UGT1A3: variants seen among roughly 807,000 people sequenced by gnomAD.
UGT1A3 encodes the protein UDP-glucuronosyltransferase 1A3.
UGT1A3 carries 31 observed loss-of-function variants against 41.0 expected under a neutral mutation model. The ratio of observed to expected loss-of-function variants is 0.76; its 90% CI spans 0.57 to 1.02. The LOEUF is 1.02. Ranked by LOEUF, UGT1A3 falls within the 50% of genes least tolerant of loss-of-function variation. UGT1A3 has a pLI of 0.00. For synonymous variants in UGT1A3, 262 were observed against 257.6 expected (o/e 1.02, Z -0.17); for missense variants, 737 against 671.0 (o/e 1.10, Z -1.09).
At chr2:233,759,947 C>T (rs1327771342) in intron 1 of UGT1A3, among the ~76,000 whole-genome samples, 1 of 152,176 alleles carries the variant, frequency 6.6e-6, no homozygotes, top group Non-Finnish European at 1.5e-5. Flanking sequence ...CTAACTTGTT[C>T]ACTACATAGT....
intron 1 of UGT1A3, among the ~76,000 whole-genome samples, chr2:233,765,063 G>T (rs1333981989): frequency 6.6e-6 from 1 of 152,054 alleles, no homozygotes; most frequent in African/African-American, 2.4e-5. Context: ...CCCTGTCAGA[G>T]GTCTCCTGTG....
chr2:233,737,646 G>T (rs1166167912), intron 1 of UGT1A3, among the ~76,000 whole-genome samples: 1 of 152,194 alleles, frequency 6.6e-6, no homozygotes, highest in African/African-American at 2.4e-5. Flanking sequence ...CGTCGATCAT[G>T]CTGGGAGCTG....
chr2:233,741,851 G>T (rs1691795125), intron 1 of UGT1A3: 2 of 151,836 alleles, frequency 1.3e-5, no homozygotes, highest in South Asian at 4.1e-4. Flanking sequence ...TTGCTCTCAT[G>T]CCTTATGCAA....
intron 1 of UGT1A3, among the ~76,000 whole-genome samples, chr2:233,731,847 G>C (rs1360054279): frequency 1.3e-4 from 20 of 152,190 alleles, no homozygotes; most frequent in Non-Finnish European, 7.3e-5. Flanking sequence ...CTAGGTCCTT[G>C]AGGAATCGCC....
intron 1 of UGT1A3, among the ~76,000 whole-genome samples, chr2:233,756,740 T>G (rs1165580582): frequency 6.6e-6 from 1 of 152,136 alleles, no homozygotes; most frequent in Non-Finnish European, 1.5e-5. Flanking sequence ...CTTCACCTCC[T>G]CCTTATTCTC....
At chr2:233,758,199 G>A (rs1696818445) in intron 1 of UGT1A3, among the ~76,000 whole-genome samples, 1 of 152,212 alleles carries the variant, frequency 6.6e-6, no homozygotes, top group African/African-American at 2.4e-5. Context: ...TTGCTTAGTA[G>A]TGGTTCTCTG....
At chr2:233,734,648 T>A (rs187362448) in intron 1 of UGT1A3, among the ~76,000 whole-genome samples, 1 of 152,330 alleles carries the variant, frequency 6.6e-6, no homozygotes, top group East Asian at 1.9e-4. Context: ...CCTGTGGGGA[T>A]TTAATGCTAT....
rs780989099 is a variant in UGT1A3 at position 233,729,725 on chromosome 2, C to T, written c.599C>T (p.Thr200Ile). 6.2e-7 allele frequency: 1 copy of T among 1,613,968 alleles called. No individual in the cohort carries two copies. Among genetic ancestry groups the T allele is most frequent in the South Asian group, 1.1e-5 (1 of 91,076 alleles). ...PSSYIPRLLT[T>I]NSDHMTFMQR... ...TCCTATATTCCTAGATTACTAACAA[C>T]CAATTCAGACCACATGACATTCATG... is the stretch of plus-strand genomic sequence containing the variant. Residue 200 changes from threonine to isoleucine, a missense_variant, in exon 1 of 5, where the codon ACC becomes ATC. Transcript: ENST00000482026.
chr2:233,768,154 C>T (rs767452412), intron 3 of UGT1A3, 66 bp from the exon 4 acceptor site: 203 of 1,612,642 alleles, frequency 1.3e-4, no homozygotes, highest in Non-Finnish European at 1.7e-4. Flanking sequence ...TTTTCAGAAC[C>T]TAGATGTGTC....
In UGT1A3 at chr2:233,746,936, G is replaced by T. The variant is rs185798867; in HGVS notation, c.867+16943G>T. 1.2e-3 allele frequency among the ~76,000 whole-genome samples: 184 copies of T among 151,904 alleles called. 4 individuals carry two copies. Among genetic ancestry groups the T allele is most frequent in the African/African-American group, 4.2e-3 (172 of 41,190 alleles). ...TTCCACAGGCCTTTGTTGGGAATTGGATGAGAAACAAGAGCTTGAACTTGG... is the reference window on the plus strand; with the variant it reads ...TTCCACAGGCCTTTGTTGGGAATTGTATGAGAAACAAGAGCTTGAACTTGG... On this transcript the variant is annotated intron_variant, in intron 1 of 4. Transcript: ENST00000482026.
intron 1 of UGT1A3, among the ~76,000 whole-genome samples, chr2:233,750,910 G>A (rs1371262201): frequency 6.6e-6 from 1 of 151,884 alleles, no homozygotes; most frequent in African/African-American, 2.4e-5. Flanking sequence ...GCTAGAGAAG[G>A]GTGGTAAAGA....
chr2:233,766,003 G>A (rs1430572640), intron 1 of UGT1A3, among the ~76,000 whole-genome samples: 1 of 152,074 alleles, frequency 6.6e-6, no homozygotes, highest in Non-Finnish European at 1.5e-5. Flanking sequence ...AGTGGGCGTG[G>A]GTTATGGCCT....
chr2:233,757,203 C>G (rs1377755692), intron 1 of UGT1A3, among the ~76,000 whole-genome samples: 1 of 149,926 alleles, frequency 6.7e-6, no homozygotes, highest in Non-Finnish European at 1.5e-5. Context: ...TTTTCTGTGC[C>G]CAGGAAGCTG....
intron 1 of UGT1A3, among the ~76,000 whole-genome samples, chr2:233,730,680 C>A (rs1218688522): frequency 6.6e-6 from 1 of 152,088 alleles, no homozygotes; most frequent in Admixed American, 6.6e-5. Context: ...GTAATGGTTG[C>A]ATCTCAAATG....
At chr2:233,738,254 G>A (rs1281964200) in intron 1 of UGT1A3, among the ~76,000 whole-genome samples, 3 of 152,180 alleles carry the variant, frequency 2.0e-5, no homozygotes, top group Admixed American at 1.3e-4. Context: ...TGGAACTGGA[G>A]TCAATTAAAG....
In UGT1A3 at chr2:233,745,292, C is replaced by T. The variant is rs13426130; in HGVS notation, c.867+15299C>T. On this transcript the variant is annotated intron_variant, in intron 1 of 4. Transcript: ENST00000482026. ...CCGTGTGTATAGCACTGGGGATAAA[C>T]GTGGGATGCAGTGATTATTTCCACT... 9.4e-3 allele frequency among the ~76,000 whole-genome samples: 1,433 copies of T among 151,880 alleles called. 51 individuals carry two copies. The highest frequency in any genetic ancestry group is 0.033 in the African/African-American group (1,366 of 41,200).
At chr2:233,766,321 C>T (rs1182863859) in intron 1 of UGT1A3, among the ~76,000 whole-genome samples, 1 of 152,172 alleles carries the variant, frequency 6.6e-6, no homozygotes. Flanking sequence ...CTCAGCCAAA[C>T]TCCGCGTTGT....
chr2:233,756,970 G>T (rs550793027), intron 1 of UGT1A3, among the ~76,000 whole-genome samples: 8 of 152,064 alleles, frequency 5.3e-5, no homozygotes, highest in African/African-American at 1.7e-4. Context: ...TGGTAAGCAC[G>T]CAATGAACAG....
intron 1 of UGT1A3, chr2:233,760,619 A>G: frequency 6.2e-7 from 1 of 1,614,198 alleles, no homozygotes; most frequent in Non-Finnish European, 8.5e-7. Flanking sequence ...CGTGTGATCA[A>G]AACATACAAG....
Sources: allele counts gnomAD v4.1 joint callset (sites outside exome capture counted in the v4.1 genomes callset), GRCh38; gene constraint gnomAD v4.1.1; transcripts MANE v1.5; gene names NCBI Gene and HGNC (gene_info 2026-07-23, HGNC 2026-07-21).